The following MESP1 variants were observed in gnomAD, a reference collection of about 807,000 sequenced individuals.
MESP1 encodes mesoderm posterior protein 1.
MESP1 carries 22 observed loss-of-function variants against 15.2 expected under a neutral mutation model. The ratio of observed to expected loss-of-function variants is 1.45; its 90% CI spans 1.04 to 2.07. MESP1 has a LOEUF of 2.07. Among genes scored for constraint, MESP1 ranks in the 30% most tolerant of loss-of-function variants. MESP1 has a pLI of 0.00. For missense variants in MESP1, 484 were observed against 411.9 expected (o/e 1.17, Z -1.51); for synonymous variants, 216 against 192.6 (o/e 1.12, Z -1.01).
the MESP1 span, chr15:89,743,507 G>A: frequency 4.6e-5 from 43 of 936,770 alleles, no homozygotes; most frequent in South Asian, 4.0e-4. Flanking sequence ...GCCTGCACTC[G>A]GAGTCTGGGG....
downstream of MESP1, among the ~76,000 whole-genome samples, chr15:89,747,217 C>T (rs543754810): frequency 6.6e-6 from 1 of 152,264 alleles, no homozygotes; most frequent in South Asian, 2.1e-4. Context: ...TGGCCCGTCC[C>T]CAGGGGCTGC....
At chr15:89,747,656 G>A (rs1416543636), downstream of MESP1, among the ~76,000 whole-genome samples, 1 of 152,214 alleles carries the variant, frequency 6.6e-6, no homozygotes, top group Non-Finnish European at 1.5e-5. Flanking sequence ...TTCAGCCGAA[G>A]CGAAGGCAGC....
the MESP1 span, among the ~76,000 whole-genome samples, chr15:89,733,565 T>C: frequency 5.3e-4 from 80 of 152,260 alleles, no homozygotes; most frequent in South Asian, 0.011. Context: ...CATGCATTAA[T>C]GGATTAATAG....
chr15:89,751,018 G>A lies in MESP1; in HGVS notation c.214C>T (p.Arg72Cys). ...RDPRAPSVGR[R>C]GARSSRLGSG... The stretch of plus-strand genomic sequence containing the variant: ...CCCAGGCGGCTGCTGCGCGCGCCGC[G>A]CCTACCTACGGAGGGGGCGCGGGGG... The change falls in exon 1 of 2, where the codon CGC (arginine) becomes TGC (cysteine). Residue 72 changes from arginine (R) to cysteine (C), a missense_variant. Transcript: ENST00000300057. 1 of 1,358,978 alleles carries A rather than the reference G, an allele frequency of 7.4e-7. No homozygotes were observed. Among genetic ancestry groups the A allele is most frequent in the African/African-American group, 1.5e-5 (1 of 65,528 alleles). 84.2% of individuals were successfully genotyped at this position (1,358,978 alleles called of 1,614,324 possible).
the MESP1 span, chr15:89,743,524 C>A: frequency 1.3e-6 from 1 of 775,066 alleles, no homozygotes; most frequent in Non-Finnish European, 2.1e-6. Context: ...GGGGCCTCTG[C>A]AGAGCCAGCA....
At position 89,751,185 on chromosome 15, in the gene MESP1, G is replaced by T; in HGVS notation, c.47C>A (p.Ser16Tyr). Residue 16 changes from serine (S) to tyrosine (Y), a missense_variant, in exon 1 of 2, where the codon TCT becomes TAT. Ser to Tyr is a moderately radical substitution (Grantham distance 144). Coordinates refer to ENST00000300057, the MANE Select transcript of MESP1 (RefSeq NM_018670.4). ...CPPLSESWML[S>Y]AAWGPTRRPP... is the part of the protein sequence containing the mutation. The stretch of plus-strand genomic sequence containing the variant: ...CCGCCGAGTTGGGCCCCAGGCCGCA[G>T]AGAGCATCCAGGACTCGGAGAGCGG... The T allele has an allele frequency of 7.9e-7, 1 of 1,270,522 alleles. No homozygotes were observed. Among genetic ancestry groups the T allele is most frequent in the Non-Finnish European group, 9.9e-7 (1 of 1,010,456 alleles). 78.7% of individuals were successfully genotyped at this position (1,270,522 alleles called of 1,614,324 possible).
downstream of MESP1, among the ~76,000 whole-genome samples, chr15:89,747,212 C>T (rs558094293): frequency 6.6e-5 from 10 of 152,250 alleles, no homozygotes; most frequent in Admixed American, 2.0e-4. Context: ...ACAGTTGGCC[C>T]GTCCCCAGGG....
downstream of MESP1, among the ~76,000 whole-genome samples, chr15:89,746,808 G>GC (rs1967969867): frequency 2.8e-5 from 1 of 36,298 alleles, no homozygotes; most frequent in Non-Finnish European, 5.3e-5. Flanking sequence ...CACACACACA[G>GC]CCCCACCTCC....
At position 89,750,754 on chromosome 15, in the gene MESP1, G is replaced by C. The variant is rs1307874313; in HGVS notation, c.478C>G (p.Pro160Ala). The C allele has an allele frequency of 1.1e-5, 17 of 1,479,546 alleles. No homozygotes were observed. The highest frequency in any genetic ancestry group is 1.5e-5 in the Non-Finnish European group (17 of 1,119,914). The allele number at this position is 1,479,546 out of a possible 1,614,324, so 91.7% of individuals were successfully genotyped here. A position where few individuals can be genotyped will look rare whatever the true frequency, so the allele number is the denominator to read the frequency against. ...RCRQRGDAGS[P>A]RGCPLCPDDC... ...TCGGGGCACAGCGGGCAGCCCCGAG[G>C]GGACCCCGCGTCACCGCGCTGCCGG... The change falls in exon 1 of 2, where the codon CCT (proline) becomes GCT (alanine). Residue 160 changes from proline to alanine, a missense_variant. Transcript: ENST00000300057.
downstream of MESP1, chr15:89,749,605 GGTTTT>G (rs1968040411): frequency 6.4e-6 from 1 of 155,122 alleles, no homozygotes; most frequent in Non-Finnish European, 1.4e-5. Context: ...CAGATATTTT[GGTTTT>G]AACCAGTTCC....
At chr15:89,742,069 T>C in the MESP1 span, among the ~76,000 whole-genome samples, 2 of 152,010 alleles carry the variant, frequency 1.3e-5, no homozygotes, top group South Asian at 2.1e-4. Flanking sequence ...ATTTTTAAGA[T>C]AGCATTCACC....
chr15:89,732,793 A>G, the MESP1 span, among the ~76,000 whole-genome samples: 14 of 151,626 alleles, frequency 9.2e-5, no homozygotes, highest in Non-Finnish European at 1.2e-4. Context: ...CCCCTCCCCA[A>G]TTCCTCTCCA....
At chr15:89,746,124 C>CTCCACACAGCA (rs527452838), downstream of MESP1, among the ~76,000 whole-genome samples, 6 of 147,290 alleles carry the variant, frequency 4.1e-5, no homozygotes, top group Non-Finnish European at 7.5e-5. Flanking sequence ...GCATCCACAC[C>CTCCACACAGCA]TCCACACAGC....
chr15:89,746,897 A>ACACACACAGCCCCGCCTC (rs1967973477), downstream of MESP1, among the ~76,000 whole-genome samples: 1 of 139,386 alleles, frequency 7.2e-6, no homozygotes, highest in South Asian at 2.4e-4. Context: ...TGCCCCAGCC[A>ACACACACAGCCCCGCCTC]CACACACAGC....
the MESP1 span, among the ~76,000 whole-genome samples, chr15:89,739,171 T>C: frequency 2.7e-5 from 4 of 150,374 alleles, no homozygotes; most frequent in South Asian, 4.2e-4. Flanking sequence ...TAAGATGGGG[T>C]TGGCAAACTA....
the MESP1 span, among the ~76,000 whole-genome samples, chr15:89,736,214 G>C: frequency 1.3e-5 from 2 of 152,240 alleles, no homozygotes; most frequent in Non-Finnish European, 2.9e-5. Context: ...ACCTGTGGCT[G>C]TTGCCAAAGG....
At chr15:89,737,538 G>T in the MESP1 span, 5 of 1,613,570 alleles carry the variant, frequency 3.1e-6, no homozygotes, top group Admixed American at 1.7e-5. Flanking sequence ...ACAGAGTCCA[G>T]TAGAAGCCCC....
chr15:89,750,087 A>T lies in MESP1; in HGVS notation c.*57T>A. ...GGCAGTCTGCCAAGGAACCACTTCG[A>T]AGGTGCTGAGGCCAAAAAGCCTCGG... On this transcript the variant is annotated 3_prime_UTR_variant, in exon 2 of 2. Coordinates refer to ENST00000300057, the MANE Select transcript of MESP1 (RefSeq NM_018670.4). 6.6e-7 allele frequency: 1 copy of T among 1,513,814 alleles called. No individual in the cohort carries two copies. The highest frequency in any genetic ancestry group is 1.1e-5 in the South Asian group (1 of 89,084). The allele number at this position is 1,513,814 out of a possible 1,614,324, so 93.8% of individuals were successfully genotyped here. A position where few individuals can be genotyped will look rare whatever the true frequency, so the allele number is the denominator to read the frequency against.
the MESP1 span, among the ~76,000 whole-genome samples, chr15:89,742,813 G>A: frequency 6.6e-6 from 1 of 152,142 alleles, no homozygotes; most frequent in Non-Finnish European, 1.5e-5. Flanking sequence ...GATTACAGGC[G>A]TGAGCCACCG....
Sources: gnomAD v4.1 joint callset for allele counts (sites outside exome capture counted in the v4.1 genomes callset) on GRCh38, gnomAD v4.1.1 for gene constraint, MANE v1.5 for transcripts, NCBI Gene and HGNC (gene_info 2026-07-23, HGNC 2026-07-21) for gene names.